The following UQCRC2 variants were observed in gnomAD, a reference collection of about 807,000 sequenced individuals.
The protein encoded by UQCRC2 is ubiquinol-cytochrome c reductase core protein 2.
In UQCRC2, 49 loss-of-function variants were observed where a neutral mutation model predicts 55.6. The ratio of observed to expected loss-of-function variants is 0.88; its 90% CI spans 0.70 to 1.12. The LOEUF (loss-of-function observed/expected upper bound fraction) is 1.12, where lower values mean the gene tolerates loss of function less well. Among genes scored for constraint, UQCRC2 ranks in the 50% most tolerant of loss-of-function variants. UQCRC2 has a pLI of 0.00. For missense variants in UQCRC2, 506 were observed against 547.8 expected, an observed-to-expected ratio of 0.92 and a Z score of 0.76; for synonymous variants, 193 against 192.0, an observed-to-expected ratio of 1.01 and a Z score of -0.04.
chr16:21,962,501 G>T lies in UQCRC2; in HGVS notation c.374G>T (p.Cys125Phe). The T allele has an allele frequency of 6.2e-7, 1 of 1,614,180 alleles. No individual in the cohort carries two copies. Among genetic ancestry groups the T allele is most frequent in the Admixed American group, 1.7e-5 (1 of 60,026 alleles). Residue 125 changes from cysteine (C) to phenylalanine (F), a missense_variant, in exon 5 of 14, where the codon TGC becomes TTC. Cys to Phe is a radical substitution (Grantham distance 205, BLOSUM62 -2). Coordinates refer to ENST00000268379, the MANE Select transcript of UQCRC2 (RefSeq NM_003366.4). ...TRENMAYTVE[C>F]LRGDVDILME... ...GAAAACATGGCTTATACTGTGGAATGCCTGCGGGGTGATGTGTAAGTACCT... is the reference window on the plus strand; with the variant it reads ...GAAAACATGGCTTATACTGTGGAATTCCTGCGGGGTGATGTGTAAGTACCT...
intron 10 of UQCRC2, among the ~76,000 whole-genome samples, chr16:21,972,908 T>C (rs1898496102): frequency 2.0e-5 from 3 of 152,212 alleles, no homozygotes. Context: ...AAGACCATCC[T>C]GGCTAACACA....
At chr16:21,972,938 A>G (rs1898497051) in intron 10 of UQCRC2, among the ~76,000 whole-genome samples, 1 of 152,156 alleles carries the variant, frequency 6.6e-6, no homozygotes, top group Non-Finnish European at 1.5e-5. Context: ...TGTCTCTACT[A>G]AAAATACAAA....
intron 3 of UQCRC2, among the ~76,000 whole-genome samples, chr16:21,957,871 TG>T (rs1898116411): frequency 1.3e-5 from 2 of 152,222 alleles, no homozygotes; most frequent in African/African-American, 4.8e-5. Context: ...CAACCCTTCA[TG>T]TTCCTTGACC....
chr16:21,957,566 GGTGA>G lies in UQCRC2; in HGVS notation c.267+3_267+6del. Reference sequence around the variant, plus strand: ...ATTTGCTGCGTCTTACATCCAGTCTGGTGAGTATCTTCACTTCCTCAAGTGTTTG... The same window carrying G: ...ATTTGCTGCGTCTTACATCCAGTCTGGTATCTTCACTTCCTCAAGTGTTTG... On this transcript the variant is annotated splice_donor_variant and splice_donor_region_variant and intron_variant, in intron 3 of 13. Coordinates refer to ENST00000268379, the MANE Select transcript of UQCRC2 (RefSeq NM_003366.4). LOFTEE classifies it high-confidence loss of function. 2 of 1,613,812 alleles carry G rather than the reference GGTGA, an allele frequency of 1.2e-6. No individual in the cohort carries two copies. The highest frequency in any genetic ancestry group is 1.7e-6 in the Non-Finnish European group (2 of 1,179,936).
Position 21,953,521 on chromosome 16 carries a change from C to T in UQCRC2, c.33+65C>T, listed in dbSNP as rs17551591. 1.0e-4 allele frequency: 160 copies of T among 1,583,790 alleles called. 1 individual carries two copies. In the East Asian group the frequency reaches 3.3e-3, roughly 33 times the overall value. On this transcript the variant is annotated intron_variant, in intron 1 of 13. Coordinates refer to ENST00000268379, the MANE Select transcript of UQCRC2 (RefSeq NM_003366.4). ...AGTGTGTCGACAAGGTGATACGAGGCGGAGGTGTCTGGTCTGGGGTCTGGG... is the reference window on the plus strand; with the variant it reads ...AGTGTGTCGACAAGGTGATACGAGGTGGAGGTGTCTGGTCTGGGGTCTGGG...
Position 21,965,506 on chromosome 16 carries a change from G to T in UQCRC2, c.612+1G>T, listed in dbSNP as rs866597504. 6.3e-7 allele frequency: 1 copy of T among 1,575,248 alleles called. No individual in the cohort carries two copies. Among genetic ancestry groups the T allele is most frequent in the Non-Finnish European group, 8.6e-7 (1 of 1,162,596 alleles). On this transcript the variant is annotated splice_donor_variant, in intron 7 of 13. Transcript: ENST00000268379. LOFTEE classifies it high-confidence loss of function. ...GATTGGAAAAGTGACATCAGAGGAG[G>T]TACCAATAAAACATATTTTGAAATG...
chr16:21,973,202 C>G (rs1898505471), intron 10 of UQCRC2, among the ~76,000 whole-genome samples: 1 of 152,200 alleles, frequency 6.6e-6, no homozygotes, highest in Non-Finnish European at 1.5e-5. Flanking sequence ...ATAAGAATTA[C>G]CTGGAACACT....
In UQCRC2 at chr16:21,957,718, A is replaced by G. The variant is rs1898112499; in HGVS notation, c.267+152A>G. ...TGGGTAGCTTAAACCAAATAAGTTTATCCTGTTACAGTTCTAGAGGCTAGA... is the reference window on the plus strand; with the variant it reads ...TGGGTAGCTTAAACCAAATAAGTTTGTCCTGTTACAGTTCTAGAGGCTAGA... On this transcript the variant is annotated intron_variant, in intron 3 of 13. Transcript: ENST00000268379. 5 of 1,175,816 alleles carry G rather than the reference A, an allele frequency of 4.3e-6. No individual in the cohort carries two copies. The South Asian group carries it at 6.2e-5, about 15-fold the overall frequency. 72.8% of individuals were successfully genotyped at this position (1,175,816 alleles called of 1,614,324 possible). A position where few individuals can be genotyped will look rare whatever the true frequency, so the allele number is the denominator to read the frequency against.
chr16:21,968,962 T>A (rs1469546178), intron 8 of UQCRC2, among the ~76,000 whole-genome samples: 1 of 152,192 alleles, frequency 6.6e-6, no homozygotes, highest in Non-Finnish European at 1.5e-5. Flanking sequence ...TTTTACAAAC[T>A]TTTTTAAAAG....
At chr16:21,970,534 A>G (rs1373923424) in intron 8 of UQCRC2, among the ~76,000 whole-genome samples, 1 of 152,218 alleles carries the variant, frequency 6.6e-6, no homozygotes, top group African/African-American at 2.4e-5. Flanking sequence ...CCTAATGACA[A>G]ATGACATTGA....
intron 12 of UQCRC2, among the ~76,000 whole-genome samples, chr16:21,978,008 A>C (rs1436002625): frequency 6.6e-6 from 1 of 152,218 alleles, no homozygotes; most frequent in African/African-American, 2.4e-5. Flanking sequence ...ACTTAAGAAA[A>C]ACCTAAGTTT....
Position 21,967,755 on chromosome 16 carries a change from C to T in UQCRC2, c.613-873C>T, listed in dbSNP as rs535363443. 5.9e-5 allele frequency among the ~76,000 whole-genome samples: 9 copies of T among 152,136 alleles called. No homozygotes were observed. The East Asian group carries it at 1.5e-3, about 26-fold the overall frequency. Reference sequence around the variant, plus strand: ...CTGAGTAATTGTGATCTTACAGTTTCGACACCCTGGTATAGACAATGACTT... The same window carrying T: ...CTGAGTAATTGTGATCTTACAGTTTTGACACCCTGGTATAGACAATGACTT... On this transcript the variant is annotated intron_variant, in intron 7 of 13. Coordinates refer to ENST00000268379, the MANE Select transcript of UQCRC2 (RefSeq NM_003366.4).
chr16:21,978,571 G>A (rs995255242), intron 12 of UQCRC2, among the ~76,000 whole-genome samples: 7 of 152,146 alleles, frequency 4.6e-5, no homozygotes, highest in Non-Finnish European at 2.9e-5. Flanking sequence ...GCAAGAGGCA[G>A]GAGTTGCTTC....
Position 21,957,541 on chromosome 16 carries a change from AT to A in UQCRC2, c.245del (p.Leu82CysfsTer8), listed in dbSNP as rs767447169. 6.2e-7 allele frequency: 1 copy of A among 1,614,050 alleles called. No individual in the cohort carries two copies. The stretch of plus-strand genomic sequence containing the variant: ...GACTTCAGCAATTTAGGAACCACCC[AT>A]TTGCTGCGTCTTACATCCAGTCTGG... ...YEDFSNLGTT[H>X]LLRLTSSLTT... On this transcript the variant is annotated frameshift_variant, in exon 3 of 14. Coordinates refer to ENST00000268379, the MANE Select transcript of UQCRC2 (RefSeq NM_003366.4). LOFTEE classifies it high-confidence loss of function.
In UQCRC2 at chr16:21,953,472, G is replaced by A; in HGVS notation, c.33+16G>A. On this transcript the variant is annotated intron_variant, in intron 1 of 13. Coordinates refer to ENST00000268379, the MANE Select transcript of UQCRC2 (RefSeq NM_003366.4). ...CTCTTTCTCGGTGAGCTCAGGTGGC[G>A]GGTTTGGGAAAGGGCTGGGGAGCAG... The A allele has an allele frequency of 6.2e-7, 1 of 1,611,944 alleles. No homozygotes were observed. The highest frequency in any genetic ancestry group is 8.5e-7 in the Non-Finnish European group (1 of 1,179,048).
At chr16:21,960,156 C>T (rs1898166814) in intron 4 of UQCRC2, among the ~76,000 whole-genome samples, 1 of 152,212 alleles carries the variant, frequency 6.6e-6, no homozygotes, top group African/African-American at 2.4e-5. Context: ...ACGGCATCTT[C>T]CAATGTAAGG....
At chr16:21,953,569 C>G (rs912187497) in intron 1 of UQCRC2, 113 bp downstream of exon 1, 9 of 1,358,408 alleles carry the variant, frequency 6.6e-6, no homozygotes, top group Non-Finnish European at 9.0e-6. Context: ...GTCTGCCCTT[C>G]AGCTGAACCC....
At chr16:21,974,033 A>AT in intron 11 of UQCRC2, 57 bp downstream of exon 11, 1 of 1,494,218 alleles carries the variant, frequency 6.7e-7, no homozygotes, top group Non-Finnish European at 9.2e-7. Flanking sequence ...CCCCCCCGCC[A>AT]TAAACATGTT....
chr16:21,971,539 G>T lies in UQCRC2; in HGVS notation c.685G>T (p.Val229Phe). 2.5e-6 allele frequency: 4 copies of T among 1,614,088 alleles called. No individual in the cohort carries two copies. Among genetic ancestry groups the T allele is most frequent in the Non-Finnish European group, 3.4e-6 (4 of 1,179,966 alleles). ...TGTTGAAACAGGTGTGAGTCATCCTGTTCTAAAGCAAGTTGCTGAACAGTT... is the reference window on the plus strand; with the variant it reads ...TGTTGAAACAGGTGTGAGTCATCCTTTTCTAAAGCAAGTTGCTGAACAGTT... The part of the protein sequence containing the change: ...ALIGLGVSHP[V>F]LKQVAEQFLN... Residue 229 changes from valine (V) to phenylalanine (F), a missense_variant, in exon 9 of 14, where the codon GTT (valine) becomes TTT (phenylalanine). Transcript: ENST00000268379.
Sources: gnomAD v4.1 joint callset for allele counts (sites outside exome capture counted in the v4.1 genomes callset) on GRCh38, gnomAD v4.1.1 for gene constraint, MANE v1.5 for transcripts, NCBI Gene and HGNC (gene_info 2026-07-23, HGNC 2026-07-21) for gene names.